KCNQ3: variants seen among roughly 807,000 people sequenced by gnomAD.
The protein encoded by KCNQ3 is potassium voltage-gated channel subfamily Q member 3.
A neutral mutation model predicts 92.5 loss-of-function variants in KCNQ3; 30 were observed. The observed-to-expected ratio is 0.32, with a 90% CI of 0.24 to 0.44. The LOEUF (loss-of-function observed/expected upper bound fraction) is 0.44, where lower values mean the gene tolerates loss of function less well. Among genes scored for constraint, KCNQ3 ranks in the 20% least tolerant of loss-of-function variants. The pLI is 1.00. For missense variants in KCNQ3, 913 were observed against 1,140.3 expected (o/e 0.80, Z 2.87); for synonymous variants, 450 against 468.8 (o/e 0.96, Z 0.52).
At chr8:132,253,870 G>T (rs957927806) in intron 1 of KCNQ3, among the ~76,000 whole-genome samples, 2 of 152,208 alleles carry the variant, frequency 1.3e-5, no homozygotes, top group Admixed American at 1.3e-4. Context: ...TACTGTAGAA[G>T]AAAAGCTTCT....
At chr8:132,403,376 C>T (rs893925372) in intron 1 of KCNQ3, among the ~76,000 whole-genome samples, 7 of 152,168 alleles carry the variant, frequency 4.6e-5, no homozygotes, top group Admixed American at 2.6e-4. Flanking sequence ...CAGCCCAAGC[C>T]TTCTGTGCAC....
intron 1 of KCNQ3, among the ~76,000 whole-genome samples, chr8:132,371,559 T>C (rs1306209919): frequency 6.6e-6 from 1 of 152,128 alleles, no homozygotes; most frequent in Non-Finnish European, 1.5e-5. Context: ...AATATGCTGG[T>C]CCCCACAGAA....
intron 9 of KCNQ3, among the ~76,000 whole-genome samples, chr8:132,159,451 G>A (rs918217420): frequency 3.9e-5 from 6 of 152,104 alleles, no homozygotes; most frequent in South Asian, 2.1e-4. Flanking sequence ...AGACAGTAGC[G>A]GCTTTTACTC....
At chr8:132,212,163 C>A (rs1020814945) in intron 1 of KCNQ3, among the ~76,000 whole-genome samples, 5 of 151,960 alleles carry the variant, frequency 3.3e-5, no homozygotes, top group Admixed American at 2.0e-4. Context: ...GCTCAGCTGA[C>A]CCTGATTATA....
intron 1 of KCNQ3, among the ~76,000 whole-genome samples, chr8:132,380,498 T>A: frequency 6.6e-6 from 1 of 152,098 alleles, no homozygotes; most frequent in Non-Finnish European, 1.5e-5. Flanking sequence ...CTAAGAAGCC[T>A]GCCTTGCCTG....
chr8:132,208,011 C>A (rs1331175803), intron 1 of KCNQ3, among the ~76,000 whole-genome samples: 2 of 151,288 alleles, frequency 1.3e-5, no homozygotes, highest in Non-Finnish European at 2.9e-5. Context: ...TTTCTAGAGA[C>A]AATAGCCATG....
At chr8:132,175,312 TC>T in intron 5 of KCNQ3, 140 bp downstream of exon 5, 2 of 907,944 alleles carry the variant, frequency 2.2e-6, no homozygotes, top group African/African-American at 3.2e-5. Flanking sequence ...GTCAGCAGGT[TC>T]TGAGCTGAAA....
chr8:132,169,390 TG>T (rs756270016), intron 8 of KCNQ3, among the ~76,000 whole-genome samples: 1 of 152,250 alleles, frequency 6.6e-6, no homozygotes, highest in Non-Finnish European at 1.5e-5. Context: ...TAGAGCATAG[TG>T]GGCATCCAAT....
chr8:132,187,756 GTGA>G (rs1273942883), intron 1 of KCNQ3, among the ~76,000 whole-genome samples: 5 of 148,418 alleles, frequency 3.4e-5, no homozygotes, highest in Non-Finnish European at 7.5e-5. Context: ...GGTGGTGGTA[GTGA>G]TGATGGTGGT....
intron 1 of KCNQ3, among the ~76,000 whole-genome samples, chr8:132,190,991 A>G (rs1185782081): frequency 6.6e-6 from 1 of 152,218 alleles, no homozygotes; most frequent in Non-Finnish European, 1.5e-5. Flanking sequence ...ATAAGAACCA[A>G]TGTATGTTTA....
At chr8:132,381,757 C>T (rs1359434584) in intron 1 of KCNQ3, among the ~76,000 whole-genome samples, 17 of 152,246 alleles carry the variant, frequency 1.1e-4, no homozygotes, top group Admixed American at 1.0e-3. Flanking sequence ...ACCCCAGCTA[C>T]AAAGCCCAGC....
At chr8:132,435,334 C>G (rs559178900) in intron 1 of KCNQ3, among the ~76,000 whole-genome samples, 1 of 152,138 alleles carries the variant, frequency 6.6e-6, no homozygotes, top group Non-Finnish European at 1.5e-5. Flanking sequence ...TGGGGTCGTT[C>G]CAGCAACTGA....
rs2130931538 is a variant in KCNQ3 at position 132,134,319 on chromosome 8, T to C, written c.1770A>G (p.Ala590=). 1.2e-6 allele frequency: 2 copies of C among 1,613,960 alleles called. No individual in the cohort carries two copies. The highest frequency in any genetic ancestry group is 8.5e-7 in the Non-Finnish European group (1 of 1,179,946). The change falls in exon 13 of 15, where the codon GCA becomes GCG. Residue 590 remains alanine (A), a synonymous_variant. Coordinates refer to ENST00000388996, the MANE Select transcript of KCNQ3 (RefSeq NM_004519.4). ...PKHKKSQKGS[A]FTFPSQQSPR... ...GAGATTGCTGGGATGGGAAGGTGAA[T>C]GCTGACCCTTTCTGAGACTTCTTGT...
chr8:132,153,707 G>T (rs1285671081), intron 9 of KCNQ3, among the ~76,000 whole-genome samples: 1 of 149,450 alleles, frequency 6.7e-6, no homozygotes, highest in East Asian at 2.0e-4. Context: ...GCATATGTGG[G>T]TAATAGTGGA....
intron 1 of KCNQ3, among the ~76,000 whole-genome samples, chr8:132,212,423 C>A (rs1204516294): frequency 6.6e-6 from 1 of 152,016 alleles, no homozygotes; most frequent in Non-Finnish European, 1.5e-5. Flanking sequence ...GCTCTTCAAG[C>A]ATTGGGAGGC....
At chr8:132,448,325 TG>T (rs896962563) in intron 1 of KCNQ3, among the ~76,000 whole-genome samples, 213 of 151,910 alleles carry the variant, frequency 1.4e-3, no homozygotes, top group African/African-American at 4.9e-3. Context: ...TGATCTCCTT[TG>T]GGGTCCATGA....
rs532125573 is a variant in KCNQ3 at position 132,175,096 on chromosome 8, G to C, written c.933+357C>G. Among the ~76,000 whole-genome samples the C allele has an allele frequency of 2.4e-3, 360 of 152,282 alleles. 1 individual carries two copies. Among genetic ancestry groups the C allele is most frequent in the African/African-American group, 8.2e-3 (341 of 41,562 alleles). On this transcript the variant is annotated intron_variant, in intron 5 of 14. Coordinates refer to ENST00000388996, the MANE Select transcript of KCNQ3 (RefSeq NM_004519.4). ...GTACTGTGTGTCCTTGTGGGTGTAG[G>C]GTTGTGCACACACAGGTCTGTGTGA...
intron 1 of KCNQ3, among the ~76,000 whole-genome samples, chr8:132,476,176 C>A (rs967341930): frequency 2.0e-5 from 3 of 152,354 alleles, no homozygotes; most frequent in African/African-American, 7.2e-5. Flanking sequence ...TATGGAAACA[C>A]CTGGATGTCC....
intron 1 of KCNQ3, among the ~76,000 whole-genome samples, chr8:132,433,107 T>C (rs1428649835): frequency 6.6e-6 from 1 of 152,202 alleles, no homozygotes; most frequent in African/African-American, 2.4e-5. Flanking sequence ...TGGAGGAGAA[T>C]TGGAGGAGGC....
Sources: allele counts gnomAD v4.1 joint callset (sites outside exome capture counted in the v4.1 genomes callset), GRCh38; gene constraint gnomAD v4.1.1; transcripts MANE v1.5; gene names NCBI Gene and HGNC (gene_info 2026-07-23, HGNC 2026-07-21).